CMTM7: variants seen among roughly 807,000 people sequenced by gnomAD.
CMTM7 encodes the protein CKLF-like MARVEL transmembrane domain-containing protein 7.
CMTM7 carries 7 observed loss-of-function variants against 19.3 expected under a neutral mutation model. The observed-to-expected ratio is 0.36, with a 90% confidence interval of 0.21 to 0.68. CMTM7 has a LOEUF of 0.68. Ranked by LOEUF, CMTM7 falls within the 30% of genes least tolerant of loss-of-function variation. The pLI is 0.60. For synonymous variants in CMTM7, 87 were observed against 99.3 expected (o/e 0.88, Z 0.74); for missense variants, 193 against 232.6 (o/e 0.83, Z 1.11).
At chr3:32,413,826 G>A (rs572164385) in intron 1 of CMTM7, among the ~76,000 whole-genome samples, 1 of 152,268 alleles carries the variant, frequency 6.6e-6, no homozygotes, top group Admixed American at 6.5e-5. Context: ...ATACTGGTGT[G>A]TGCCCAAATA....
chr3:32,412,593 G>T (rs1696194696), intron 1 of CMTM7, among the ~76,000 whole-genome samples: 1 of 140,382 alleles, frequency 7.1e-6, no homozygotes, highest in African/African-American at 2.6e-5. Flanking sequence ...AAGTTGAAGG[G>T]ATTTTATAGA....
chr3:32,409,232 C>A (rs1315273029), intron 1 of CMTM7, among the ~76,000 whole-genome samples: 1 of 152,104 alleles, frequency 6.6e-6, no homozygotes, highest in Non-Finnish European at 1.5e-5. Flanking sequence ...TTTTGAAGAA[C>A]AGGACAAAGA....
intron 1 of CMTM7, among the ~76,000 whole-genome samples, chr3:32,413,393 T>C (rs1264726117): frequency 6.6e-6 from 1 of 152,228 alleles, no homozygotes; most frequent in African/African-American, 2.4e-5. Context: ...GACAGTGACA[T>C]ATCAGAACAA....
intron 1 of CMTM7, among the ~76,000 whole-genome samples, chr3:32,430,582 TTGA>T (rs1410647410): frequency 2.0e-5 from 3 of 152,088 alleles, no homozygotes; most frequent in Non-Finnish European, 4.4e-5. Flanking sequence ...GTACACACAG[TTGA>T]TGATGCAGTG....
chr3:32,433,192 G>A (rs1696546105), intron 1 of CMTM7, among the ~76,000 whole-genome samples: 1 of 152,226 alleles, frequency 6.6e-6, no homozygotes, highest in Non-Finnish European at 1.5e-5. Flanking sequence ...TACACAATAA[G>A]TGTCAATTTT....
At chr3:32,398,008 G>A (rs1452939497) in intron 1 of CMTM7, among the ~76,000 whole-genome samples, 7 of 152,230 alleles carry the variant, frequency 4.6e-5, no homozygotes, top group Non-Finnish European at 7.3e-5. Context: ...TGACAGATGA[G>A]TGTAAGTTTT....
At chr3:32,442,597 T>G (rs1389757439) in intron 2 of CMTM7, among the ~76,000 whole-genome samples, 1 of 149,792 alleles carries the variant, frequency 6.7e-6, no homozygotes, top group African/African-American at 2.5e-5. Context: ...TGTGTATGAG[T>G]TGGGAAAAGG....
At chr3:32,434,271 G>A (rs1263253356) in intron 1 of CMTM7, among the ~76,000 whole-genome samples, 1 of 152,074 alleles carries the variant, frequency 6.6e-6, no homozygotes, top group Non-Finnish European at 1.5e-5. Flanking sequence ...TTTAAAGGAA[G>A]CAAATATTTA....
At chr3:32,406,174 T>G (rs1363492237) in intron 1 of CMTM7, among the ~76,000 whole-genome samples, 2 of 152,236 alleles carry the variant, frequency 1.3e-5, no homozygotes, top group African/African-American at 4.8e-5. Flanking sequence ...TCAGAAGGTG[T>G]CCGCATTCTC....
intron 1 of CMTM7, among the ~76,000 whole-genome samples, chr3:32,432,091 G>T (rs1381218813): frequency 6.6e-6 from 1 of 152,218 alleles, no homozygotes; most frequent in Non-Finnish European, 1.5e-5. Context: ...GATAGACCTG[G>T]ATTTGCTTCT....
At chr3:32,430,102 G>A (rs746825261) in intron 1 of CMTM7, among the ~76,000 whole-genome samples, 5 of 152,152 alleles carry the variant, frequency 3.3e-5, no homozygotes, top group South Asian at 2.1e-4. Flanking sequence ...CAAAAGAGTC[G>A]TTCTTTTTAA....
intron 3 of CMTM7, chr3:32,451,943 G>A: frequency 1.2e-5 from 7 of 594,002 alleles, no homozygotes; most frequent in Non-Finnish European, 1.9e-5. Context: ...TATGAAGCCA[G>A]AATGGAACAG....
chr3:32,420,526 G>A (rs1696328003), intron 1 of CMTM7, among the ~76,000 whole-genome samples: 1 of 152,210 alleles, frequency 6.6e-6, no homozygotes, highest in African/African-American at 2.4e-5. Context: ...GCAGGGGAGG[G>A]CTGACTCTAC....
At chr3:32,435,067 A>G (rs1216440589) in intron 1 of CMTM7, among the ~76,000 whole-genome samples, 3 of 152,344 alleles carry the variant, frequency 2.0e-5, no homozygotes, top group Middle Eastern at 3.4e-3. Context: ...AAACGTGCAT[A>G]TGCTTTCACT....
chr3:32,416,361 ATTTTTTTTTTTTT>A lies in CMTM7; in HGVS notation c.159+24320_159+24332del, dbSNP rs58085712. 4.1e-4 allele frequency among the ~76,000 whole-genome samples: 30 copies of A among 72,418 alleles called. 1 individual carries two copies. In the South Asian group the frequency reaches 7.9e-3, roughly 19 times the overall value. 47.5% of individuals were successfully genotyped at this position (72,418 alleles called of 152,430 possible). On this transcript the variant is annotated intron_variant, in intron 1 of 4. Coordinates refer to ENST00000334983, the MANE Select transcript of CMTM7 (RefSeq NM_138410.4). ...CAGACGTGCGCCACCATCCGGGCTA[ATTTTTTTTTTTTT>A]TTTTTTTTTTTTTTTTTTTTTTTGA... is the stretch of plus-strand genomic sequence containing the variant.
At chr3:32,452,606 A>G (rs1028124000) in intron 4 of CMTM7, 133 bp downstream of exon 4, 3 of 845,286 alleles carry the variant, frequency 3.5e-6, no homozygotes, top group Non-Finnish European at 3.8e-6. Flanking sequence ...GTAGTATTAG[A>G]GCACAGGGGC....
intron 2 of CMTM7, 79 bp downstream of exon 2, chr3:32,442,092 T>C (rs1696687063): frequency 4.4e-6 from 6 of 1,353,772 alleles, no homozygotes; most frequent in Non-Finnish European, 5.2e-6. Context: ...GACAGAGTTT[T>C]TCCCGTCTGC....
In CMTM7 at chr3:32,454,817, T is replaced by A. The variant is rs1696886033; in HGVS notation, c.*563T>A. On this transcript the variant is annotated 3_prime_UTR_variant, in exon 5 of 5. Coordinates refer to ENST00000334983, the MANE Select transcript of CMTM7 (RefSeq NM_138410.4). ...AGTGTGCATGTGTTTGTGTGTTTTT[T>A]AATAAAATATTGACTCGGCCAGTTG... 4.6e-6 allele frequency: 1 copy of A among 215,308 alleles called. No homozygotes were observed. Among genetic ancestry groups the A allele is most frequent in the Admixed American group, 5.3e-5 (1 of 18,770 alleles). The allele number at this position is 215,308 out of a possible 1,614,324, so 13.3% of individuals were successfully genotyped here. A position where few individuals can be genotyped will look rare whatever the true frequency, so the allele number is the denominator to read the frequency against.
At chr3:32,427,565 T>TTAAGAATTCAGTTC (rs1342294504) in intron 1 of CMTM7, among the ~76,000 whole-genome samples, 4 of 152,202 alleles carry the variant, frequency 2.6e-5, no homozygotes, top group Non-Finnish European at 5.9e-5. Flanking sequence ...GAAAATCAAA[T>TTAAGAATTCAGTTC]TAAGAATTCA....
Sources: gnomAD v4.1 joint callset for allele counts (sites outside exome capture counted in the v4.1 genomes callset) on GRCh38, gnomAD v4.1.1 for gene constraint, MANE v1.5 for transcripts, NCBI Gene and HGNC (gene_info 2026-07-23, HGNC 2026-07-21) for gene names.